ATG2B: variants seen among roughly 807,000 people sequenced by gnomAD.
ATG2B encodes the protein autophagy-related protein 2 homolog B.
ATG2B carries 121 observed loss-of-function variants against 241.3 expected under a neutral mutation model. That is an observed-to-expected ratio of 0.50 (90% CI 0.43 to 0.58). The LOEUF (loss-of-function observed/expected upper bound fraction) is 0.58. ATG2B is among the 20% of genes least tolerant of loss of function. The pLI is 0.00. For missense variants in ATG2B, 2,306 were observed against 2,491.6 expected, an observed-to-expected ratio of 0.93 and a Z score of 1.59; for synonymous variants, 858 against 876.6, an observed-to-expected ratio of 0.98 and a Z score of 0.37.
At chr14:96,340,247 G>A (rs929331332) in intron 6 of ATG2B, among the ~76,000 whole-genome samples, 2 of 127,570 alleles carry the variant, frequency 1.6e-5, no homozygotes, top group Non-Finnish European at 3.6e-5. Flanking sequence ...TTATATATAT[G>A]GACTCATCCT....
chr14:96,305,730 T>C lies in ATG2B; in HGVS notation c.4592A>G (p.Lys1531Arg). 6.2e-7 allele frequency: 1 copy of C among 1,614,208 alleles called. No homozygotes were observed. Among genetic ancestry groups the C allele is most frequent in the South Asian group, 1.1e-5 (1 of 91,086 alleles). The change falls in exon 31 of 42, where the codon AAG (lysine) becomes AGG (arginine). Residue 1531 changes from lysine (K) to arginine (R), a missense_variant. Transcript: ENST00000359933. ...RDNYFSLPVN[K>R]TDTSKAPLHF... is the part of the protein sequence containing the mutation. ...TAAGGGGGCTTTGCTCGTATCGGTC[T>C]TATTAACGGGCAGACTGAAATAATT... is the stretch of plus-strand genomic sequence containing the variant.
intron 4 of ATG2B, among the ~76,000 whole-genome samples, chr14:96,343,705 G>A (rs1417145096): frequency 6.6e-6 from 1 of 152,160 alleles, no homozygotes; most frequent in Non-Finnish European, 1.5e-5. Context: ...GTAACAGTGT[G>A]ACAGCATTTG....
rs1448487283 is a variant in ATG2B at position 96,305,733 on chromosome 14, T to C, written c.4589A>G (p.Asn1530Ser). 5.0e-6 allele frequency: 8 copies of C among 1,614,076 alleles called. No homozygotes were observed. In the South Asian group the frequency reaches 6.6e-5, roughly 13 times the overall value. The change falls in exon 31 of 42, where the codon AAT (asparagine) becomes AGT (serine). Residue 1530 changes from asparagine (N) to serine (S), a missense_variant. Asn to Ser is a conservative substitution (Grantham distance 46). This residue lies in a region of ATG2B where 1,927 missense variants were observed against 2,011.2 expected (regional missense o/e 0.96). Coordinates refer to ENST00000359933, the MANE Select transcript of ATG2B (RefSeq NM_018036.7). ...GGGGGCTTTGCTCGTATCGGTCTTA[T>C]TAACGGGCAGACTGAAATAATTGTC... ...IRDNYFSLPV[N>S]KTDTSKAPLH...
intron 10 of ATG2B, 21 bp downstream of exon 10, chr14:96,332,283 CA>C: frequency 6.4e-7 from 1 of 1,563,892 alleles, no homozygotes; most frequent in Non-Finnish European, 8.8e-7. Context: ...AAACTAACAA[CA>C]AATGTCTTAT....
chr14:96,306,616 A>G (rs1886956496), intron 30 of ATG2B, 98 bp downstream of exon 30: 3 of 1,055,842 alleles, frequency 2.8e-6, no homozygotes, highest in East Asian at 2.6e-5. Context: ...TCTGAACTAT[A>G]AAGAATTTAC....
chr14:96,312,817 G>A (rs1264960923), intron 25 of ATG2B, among the ~76,000 whole-genome samples: 3 of 152,154 alleles, frequency 2.0e-5, no homozygotes, highest in Admixed American at 6.5e-5. Flanking sequence ...TTTACCATAT[G>A]TTTTAAAATG....
At chr14:96,319,144 C>T (rs1186235328) in intron 18 of ATG2B, among the ~76,000 whole-genome samples, 1 of 152,194 alleles carries the variant, frequency 6.6e-6, no homozygotes, top group Non-Finnish European at 1.5e-5. Context: ...AATTCTTGAG[C>T]TTCTGAAGTC....
rs1408926407 is a variant in ATG2B at position 96,363,315 on chromosome 14, T to C, written c.-339A>G. 3.8e-6 allele frequency: 1 copy of C among 260,250 alleles called. No homozygotes were observed. Among genetic ancestry groups the C allele is most frequent in the African/African-American group, 2.3e-5 (1 of 42,758 alleles). The allele number at this position is 260,250 out of a possible 1,614,324, so 16.1% of individuals were successfully genotyped here. A position where few individuals can be genotyped will look rare whatever the true frequency, so the allele number is the denominator to read the frequency against. Reference sequence around the variant, plus strand: ...CTGCCGCCGCGCGACGAATTTGTTGTCATCCGCGAGGCGCGTTCCCGGCTG... The same window carrying C: ...CTGCCGCCGCGCGACGAATTTGTTGCCATCCGCGAGGCGCGTTCCCGGCTG... On this transcript the variant is annotated 5_prime_UTR_variant, in exon 1 of 42. Transcript: ENST00000359933.
At chr14:96,361,650 T>A (rs1423415126) in intron 1 of ATG2B, among the ~76,000 whole-genome samples, 1 of 152,012 alleles carries the variant, frequency 6.6e-6, no homozygotes, top group East Asian at 1.9e-4. Context: ...TCCATTAGTG[T>A]TTACTGAACT....
intron 26 of ATG2B, 101 bp downstream of exon 26, chr14:96,311,988 C>T (rs937139387): frequency 2.4e-6 from 2 of 843,586 alleles, no homozygotes; most frequent in African/African-American, 3.4e-5. Flanking sequence ...TAATAAGATT[C>T]TTAGTTCACT....
At chr14:96,325,964 A>T in intron 14 of ATG2B, 42 bp from the exon 15 acceptor site, 1 of 1,569,588 alleles carries the variant, frequency 6.4e-7, no homozygotes. Flanking sequence ...ATATTAAAGT[A>T]AATGAACATA....
intron 32 of ATG2B, 98 bp downstream of exon 32, chr14:96,304,397 T>G: frequency 2.5e-6 from 2 of 806,218 alleles, no homozygotes; most frequent in East Asian, 2.5e-5. Flanking sequence ...ATCCAAAGGG[T>G]TGGGACTTAA....
At chr14:96,311,668 G>C (rs1303293825) in intron 26 of ATG2B, 50 bp from the exon 27 acceptor site, 2 of 1,239,060 alleles carry the variant, frequency 1.6e-6, no homozygotes, top group African/African-American at 3.0e-5. Flanking sequence ...TTTCAAAAAT[G>C]TGTATCCAAC....
At chr14:96,328,168 C>T (rs576272655) in intron 14 of ATG2B, among the ~76,000 whole-genome samples, 179 bp downstream of exon 14, 20 of 152,242 alleles carry the variant, frequency 1.3e-4, no homozygotes, top group Admixed American at 5.9e-4. Context: ...GTCTCAAAAA[C>T]TTATTTAGCT....
chr14:96,322,557 T>C lies in ATG2B; in HGVS notation c.2719A>G (p.Met907Val), dbSNP rs747381247. 32 of 1,611,956 alleles carry C rather than the reference T, an allele frequency of 2.0e-5. No individual in the cohort carries two copies. The highest frequency in any genetic ancestry group is 2.6e-5 in the Non-Finnish European group (31 of 1,179,450). The change falls in exon 17 of 42, where the codon ATG (methionine) becomes GTG (valine). Residue 907 changes from methionine (M) to valine (V), a missense_variant. Met to Val is a conservative substitution (Grantham distance 21). Around this residue, in one of 2 missense-constraint regions of ATG2B, gnomAD observed 1,927 missense variants for 2,011.2 expected, o/e 0.96. Transcript: ENST00000359933. ...APSPFSSRRV[M>V]FENEQMVMPG... ...ACTTTTACCTGTTCATTTTCAAACA[T>C]TACTCTACGAGAAGAAAAAGGAGAT...
At chr14:96,315,814 A>T (rs1887295987) in intron 21 of ATG2B, among the ~76,000 whole-genome samples, 1 of 152,226 alleles carries the variant, frequency 6.6e-6, no homozygotes, top group African/African-American at 2.4e-5. Flanking sequence ...TAGGAAAATT[A>T]AATAGAAAAC....
chr14:96,362,774 G>C (rs990871714), intron 1 of ATG2B, 41 bp downstream of exon 1: 9 of 1,576,640 alleles, frequency 5.7e-6, no homozygotes, highest in Middle Eastern at 1.9e-4. Context: ...GCCCTAAAGA[G>C]GGGAGCGAGC....
In ATG2B at chr14:96,329,609, ATACTTTAATGC is replaced by A; in HGVS notation, c.1745_1755del (p.Gly582ValfsTer3). On this transcript the variant is annotated frameshift_variant, in exon 12 of 42. Coordinates refer to ENST00000359933, the MANE Select transcript of ATG2B (RefSeq NM_018036.7). LOFTEE classifies it high-confidence loss of function. ...GCTGATCTTTGTCTTTGTTCATAGG[ATACTTTAATGC>A]CAGTACCTATAAATCTATTATAAAA... is the stretch of plus-strand genomic sequence containing the variant. 1 of 1,606,376 alleles carries A rather than the reference ATACTTTAATGC, an allele frequency of 6.2e-7. No homozygotes were observed. The highest frequency in any genetic ancestry group is 8.5e-7 in the Non-Finnish European group (1 of 1,173,564).
At chr14:96,339,307 T>C (rs1052309832) in intron 6 of ATG2B, among the ~76,000 whole-genome samples, 1 of 150,856 alleles carries the variant, frequency 6.6e-6, no homozygotes, top group Non-Finnish European at 1.5e-5. Flanking sequence ...TGTGTGTGTA[T>C]ACATATATAC....
Sources: allele counts gnomAD v4.1 joint callset (sites outside exome capture counted in the v4.1 genomes callset), GRCh38; gene constraint gnomAD v4.1.1; regional missense constraint gnomAD v4.1.1; transcripts MANE v1.5; gene names NCBI Gene and HGNC (gene_info 2026-07-23, HGNC 2026-07-21).